The following GUCY1A2 variants were observed in gnomAD, a reference collection of about 807,000 sequenced individuals.
GUCY1A2 encodes guanylate cyclase soluble subunit alpha-2.
A neutral mutation model predicts 63.5 loss-of-function variants in GUCY1A2; 27 were observed. That is an observed-to-expected ratio of 0.43 (90% CI 0.31 to 0.59). The LOEUF is 0.59. Among genes scored for constraint, GUCY1A2 ranks in the 20% least tolerant of loss-of-function variants. GUCY1A2 has a pLI of 0.11. For missense variants in GUCY1A2, 768 were observed against 913.3 expected, an observed-to-expected ratio of 0.84 and a Z score of 2.05; for synonymous variants, 364 against 343.5, an observed-to-expected ratio of 1.06 and a Z score of -0.66.
chr11:106,906,632 C>T (rs1027212838), intron 4 of GUCY1A2, among the ~76,000 whole-genome samples: 2 of 152,142 alleles, frequency 1.3e-5, no homozygotes, highest in Admixed American at 6.5e-5. Context: ...AAGACACATG[C>T]ACACATATGT....
At chr11:106,895,423 C>T (rs547055270) in intron 4 of GUCY1A2, among the ~76,000 whole-genome samples, 21 of 152,240 alleles carry the variant, frequency 1.4e-4, no homozygotes, top group Admixed American at 5.2e-4. Flanking sequence ...TGAATTATAG[C>T]TCCCATAATC....
At chr11:106,815,488 G>A (rs374261156) in intron 4 of GUCY1A2, among the ~76,000 whole-genome samples, 1 of 151,012 alleles carries the variant, frequency 6.6e-6, no homozygotes, top group Admixed American at 6.6e-5. Flanking sequence ...GGGTGCATAT[G>A]TACCCTAAAA....
At chr11:107,017,701 A>T in intron 1 of GUCY1A2, 52 bp downstream of exon 1, 1 of 1,138,754 alleles carries the variant, frequency 8.8e-7, no homozygotes, top group Non-Finnish European at 1.2e-6. Context: ...CCAACTTTAC[A>T]GATCCGCGTT....
At chr11:106,969,632 T>C (rs920617842) in intron 3 of GUCY1A2, among the ~76,000 whole-genome samples, 5 of 152,124 alleles carry the variant, frequency 3.3e-5, no homozygotes, top group Non-Finnish European at 7.4e-5. Context: ...CTCCATGAGA[T>C]GGCAACAAAA....
At chr11:106,811,312 A>G (rs1229139542) in intron 4 of GUCY1A2, among the ~76,000 whole-genome samples, 2 of 152,068 alleles carry the variant, frequency 1.3e-5, no homozygotes, top group Non-Finnish European at 2.9e-5. Flanking sequence ...GGCATGAACA[A>G]TGAACACCAG....
chr11:106,906,275 C>T (rs187734837), intron 4 of GUCY1A2, among the ~76,000 whole-genome samples: 7 of 152,152 alleles, frequency 4.6e-5, no homozygotes, highest in East Asian at 1.9e-4. Flanking sequence ...AAAAACTGGG[C>T]GAACGATATG....
intron 5 of GUCY1A2, among the ~76,000 whole-genome samples, chr11:106,778,612 G>T (rs187219696): frequency 2.0e-4 from 30 of 151,894 alleles, no homozygotes; most frequent in Non-Finnish European, 1.2e-4. Flanking sequence ...AGTGAGCGGA[G>T]ATCACGCCAC....
chr11:106,887,911 T>C (rs182828981), intron 4 of GUCY1A2, among the ~76,000 whole-genome samples: 104 of 152,256 alleles, frequency 6.8e-4, no homozygotes, highest in African/African-American at 2.0e-3. Context: ...ACATCAGAGA[T>C]TGTCAACGGT....
chr11:106,778,956 T>C (rs771944148), intron 5 of GUCY1A2, among the ~76,000 whole-genome samples: 1 of 152,156 alleles, frequency 6.6e-6, no homozygotes, highest in East Asian at 1.9e-4. Flanking sequence ...AGAATTATTA[T>C]AAAATATTCT....
At chr11:106,963,163 C>T (rs1861082002) in intron 3 of GUCY1A2, among the ~76,000 whole-genome samples, 1 of 151,896 alleles carries the variant, frequency 6.6e-6, no homozygotes, top group Non-Finnish European at 1.5e-5. Flanking sequence ...GATGACAGGC[C>T]ATGAAAAATG....
intron 4 of GUCY1A2, among the ~76,000 whole-genome samples, chr11:106,896,943 T>C (rs1860058643): frequency 6.6e-6 from 1 of 152,218 alleles, no homozygotes; most frequent in Non-Finnish European, 1.5e-5. Context: ...AATATCTATG[T>C]AGAAAATTCA....
chr11:106,687,619 A>G lies in GUCY1A2; in HGVS notation c.2129T>C (p.Leu710Pro). The stretch of plus-strand genomic sequence containing the variant: ...AACCTTTTTTATTCTCGACGAAGAA[A>G]GAGAAGGCTTTGGTGGCTTTGGACC... ...RTGPKPPKPS[L>P]SSSRIKKVSY... The change falls in exon 8 of 8, where the codon CTT (leucine) becomes CCT (proline). Residue 710 changes from leucine to proline, a missense_variant. Transcript: ENST00000526355. 2 of 1,614,062 alleles carry G rather than the reference A, an allele frequency of 1.2e-6. No homozygotes were observed. Among genetic ancestry groups the G allele is most frequent in the Non-Finnish European group, 1.7e-6 (2 of 1,179,926 alleles).
chr11:106,893,958 T>C (rs1373810034), intron 4 of GUCY1A2, among the ~76,000 whole-genome samples: 2 of 152,128 alleles, frequency 1.3e-5, no homozygotes, highest in African/African-American at 2.4e-5. Flanking sequence ...AATTCCCTTA[T>C]GATTCCCACA....
At chr11:106,703,756 CAT>C (rs1862858137) in intron 7 of GUCY1A2, among the ~76,000 whole-genome samples, 1 of 151,674 alleles carries the variant, frequency 6.6e-6, no homozygotes, top group African/African-American at 2.4e-5. Flanking sequence ...TAAGCAATCA[CAT>C]ATATATGATT....
At chr11:106,957,646 C>T (rs1025262223) in intron 3 of GUCY1A2, among the ~76,000 whole-genome samples, 3 of 151,860 alleles carry the variant, frequency 2.0e-5, no homozygotes, top group Non-Finnish European at 2.9e-5. Flanking sequence ...ACCTGAATAC[C>T]TTGGTTGCTG....
intron 7 of GUCY1A2, among the ~76,000 whole-genome samples, chr11:106,696,876 T>C (rs12362983): frequency 0.08 from 12,143 of 152,242 alleles, 806 homozygotes; most frequent in African/African-American, 0.16. Context: ...TCAGTATATC[T>C]AATCTCTTAC....
At chr11:107,006,985 G>A (rs1861679630) in intron 1 of GUCY1A2, among the ~76,000 whole-genome samples, 2 of 152,112 alleles carry the variant, frequency 1.3e-5, no homozygotes, top group Admixed American at 6.5e-5. Flanking sequence ...AATATCCACT[G>A]CACTCTCCAA....
chr11:106,724,993 T>C (rs1863379684), intron 6 of GUCY1A2, among the ~76,000 whole-genome samples: 1 of 152,158 alleles, frequency 6.6e-6, no homozygotes, highest in African/African-American at 2.4e-5. Flanking sequence ...ATTGATGTTA[T>C]TACTTTTTAA....
At chr11:106,899,023 G>C (rs1022512207) in intron 4 of GUCY1A2, among the ~76,000 whole-genome samples, 3 of 152,106 alleles carry the variant, frequency 2.0e-5, no homozygotes, top group African/African-American at 7.2e-5. Flanking sequence ...TCGAAAACAT[G>C]AAAACTATTA....
Sources: allele counts gnomAD v4.1 joint callset (sites outside exome capture counted in the v4.1 genomes callset), GRCh38; gene constraint gnomAD v4.1.1; transcripts MANE v1.5; gene names NCBI Gene and HGNC (gene_info 2026-07-23, HGNC 2026-07-21).